The following THSD7A variants were observed in gnomAD, a reference collection of about 807,000 sequenced individuals.
THSD7A encodes the protein thrombospondin type-1 domain-containing protein 7A.
A neutral mutation model predicts 231.3 loss-of-function variants in THSD7A; 96 were observed. The ratio of observed to expected loss-of-function variants is 0.41; its 90% CI spans 0.35 to 0.49. THSD7A has a LOEUF of 0.49. Among genes scored for constraint, THSD7A ranks in the 20% least tolerant of loss-of-function variants. The probability of loss-of-function intolerance (pLI) is 0.05; values close to 1 mark genes in which losing one functional copy is unlikely to be tolerated. For missense variants in THSD7A, 2,290 were observed against 2,070.2 expected (o/e 1.11, Z -2.06); for synonymous variants, 940 against 743.3 (o/e 1.26, Z -4.30).
At chr7:11,673,938 T>C (rs965492778) in intron 1 of THSD7A, among the ~76,000 whole-genome samples, 2 of 151,954 alleles carry the variant, frequency 1.3e-5, no homozygotes, top group Admixed American at 1.3e-4. Flanking sequence ...GCTGGAGAAG[T>C]CATACTGGTT....
At chr7:11,588,979 T>C (rs552003062) in intron 4 of THSD7A, among the ~76,000 whole-genome samples, 146 of 152,328 alleles carry the variant, frequency 9.6e-4, no homozygotes, top group Non-Finnish European at 1.9e-3. Context: ...ATTTTGAAAG[T>C]TGCAACTGCA....
At chr7:11,682,846 C>T (rs922351644) in intron 1 of THSD7A, among the ~76,000 whole-genome samples, 2 of 151,842 alleles carry the variant, frequency 1.3e-5, no homozygotes, top group African/African-American at 4.8e-5. Flanking sequence ...TGATTGATCA[C>T]GTTTGGTCAC....
intron 1 of THSD7A, among the ~76,000 whole-genome samples, chr7:11,730,092 A>G (rs999668403): frequency 3.3e-5 from 5 of 151,748 alleles, no homozygotes; most frequent in Admixed American, 6.6e-5. Context: ...AGAATGAGAA[A>G]CTTTTTCCAT....
At chr7:11,589,564 C>T (rs1320363131) in intron 4 of THSD7A, among the ~76,000 whole-genome samples, 1 of 152,196 alleles carries the variant, frequency 6.6e-6, no homozygotes, top group Admixed American at 6.5e-5. Context: ...ACATGCTCTC[C>T]TGATGACTTT....
chr7:11,745,052 C>T (rs1264222577), intron 1 of THSD7A, among the ~76,000 whole-genome samples: 1 of 151,956 alleles, frequency 6.6e-6, no homozygotes, highest in East Asian at 1.9e-4. Flanking sequence ...AGTTTACAGT[C>T]CCACCAACAG....
At position 11,636,014 on chromosome 7, in the gene THSD7A, T is replaced by G; in HGVS notation, c.1022+116A>C. The G allele has an allele frequency of 1.1e-6, 1 of 921,542 alleles. No individual in the cohort carries two copies. Among genetic ancestry groups the G allele is most frequent in the East Asian group, 2.6e-5 (1 of 38,252 alleles). 57.1% of individuals were successfully genotyped at this position (921,542 alleles called of 1,614,324 possible). A position where few individuals can be genotyped will look rare whatever the true frequency, so the allele number is the denominator to read the frequency against. ...CAGAAGCCTTAAATTTGGGGGTAGCTCATCCTAGGTTGTGCCCCTACGTAA... is the reference window on the plus strand; with the variant it reads ...CAGAAGCCTTAAATTTGGGGGTAGCGCATCCTAGGTTGTGCCCCTACGTAA... On this transcript the variant is annotated intron_variant, in intron 2 of 27. Transcript: ENST00000423059. The surrounding 1 kb of genome is among the most constrained non-coding windows in gnomAD (Gnocchi z 10.0).
At chr7:11,711,071 G>T (rs80299216) in intron 1 of THSD7A, among the ~76,000 whole-genome samples, 15,162 of 150,944 alleles carry the variant, frequency 0.1, 948 homozygotes, top group South Asian at 0.15. Flanking sequence ...ATAGCTTAGG[G>T]ATATTCCTGA....
At chr7:11,599,736 G>A (rs1301535915) in intron 2 of THSD7A, among the ~76,000 whole-genome samples, 1 of 152,140 alleles carries the variant, frequency 6.6e-6, no homozygotes, top group Non-Finnish European at 1.5e-5. Context: ...GTGGATCTGT[G>A]ATGGTTAATA....
At position 11,636,720 on chromosome 7, in the gene THSD7A, A is replaced by C. The variant is rs1265127475; in HGVS notation, c.432T>G (p.Leu144=). ...PVISKSLEKP[L]ECIKGEEGIQ... ...TACCTTCTTCCCCCTTAATGCACTC[A>C]AGAGGTTTCTCTAGGCTTTTTGAAA... The change falls in exon 2 of 28, where the codon CTT becomes CTG. Residue 144 remains leucine (L), a synonymous_variant. Transcript: ENST00000423059. This position sits in a 1 kb window ranked among gnomAD's most constrained non-coding sequence, Gnocchi z 10.0. The C allele has an allele frequency of 4.3e-6, 7 of 1,613,836 alleles. No homozygotes were observed. Among genetic ancestry groups the C allele is most frequent in the African/African-American group, 1.3e-5 (1 of 74,908 alleles).
At chr7:11,516,828 G>T (rs534403451) in intron 6 of THSD7A, among the ~76,000 whole-genome samples, 1 of 152,082 alleles carries the variant, frequency 6.6e-6, no homozygotes, top group Admixed American at 6.6e-5. Context: ...CAGGGATATG[G>T]CACCAATTGT....
chr7:11,749,823 G>A (rs950816445), intron 1 of THSD7A, among the ~76,000 whole-genome samples: 5 of 151,874 alleles, frequency 3.3e-5, no homozygotes, highest in African/African-American at 1.2e-4. Flanking sequence ...ATTCAACGGC[G>A]CTTCAAGGGC....
At chr7:11,480,338 G>A (rs115327825) in intron 7 of THSD7A, among the ~76,000 whole-genome samples, 158 of 152,190 alleles carry the variant, frequency 1.0e-3, no homozygotes, top group African/African-American at 3.6e-3. Flanking sequence ...CATGTGACTC[G>A]GGGTGGGGTG....
intron 1 of THSD7A, among the ~76,000 whole-genome samples, chr7:11,658,292 GTTTAT>G (rs1782785382): frequency 1.3e-5 from 2 of 151,652 alleles, no homozygotes; most frequent in South Asian, 4.1e-4. Flanking sequence ...TTTCCTACTG[GTTTAT>G]TTTCTTTTTC....
chr7:11,754,236 G>C (rs1047907896), intron 1 of THSD7A, among the ~76,000 whole-genome samples: 1 of 151,988 alleles, frequency 6.6e-6, no homozygotes, highest in Admixed American at 6.6e-5. Flanking sequence ...CTGAAAAATA[G>C]AGAATATCAA....
chr7:11,723,136 C>G (rs1261178861), intron 1 of THSD7A, among the ~76,000 whole-genome samples: 1 of 151,968 alleles, frequency 6.6e-6, no homozygotes, highest in South Asian at 2.1e-4. Context: ...CCATGGAATA[C>G]TATGCAGCCA....
At chr7:11,725,160 C>T (rs1781506431) in intron 1 of THSD7A, among the ~76,000 whole-genome samples, 1 of 151,914 alleles carries the variant, frequency 6.6e-6, no homozygotes, top group African/African-American at 2.4e-5. Context: ...TCTTTTATAA[C>T]AAAATGCTGA....
rs764513413 is a variant in THSD7A, at chr7:11,541,413, T to C, written c.1822+6A>G. The C allele has an allele frequency of 2.5e-6, 4 of 1,613,738 alleles. No individual in the cohort carries two copies. In the South Asian group the frequency reaches 3.3e-5, roughly 13 times the overall value. ...CATAAAAACATAATAGATACGTCTG[T>C]CTTACCATCACTGTTGATGCACACA... On this transcript the variant is annotated splice_donor_region_variant and intron_variant, in intron 6 of 27. Coordinates refer to ENST00000423059, the MANE Select transcript of THSD7A (RefSeq NM_015204.3).
intron 1 of THSD7A, among the ~76,000 whole-genome samples, chr7:11,638,648 C>A (rs2526097): frequency 0.7 from 105,498 of 151,766 alleles, 37,129 homozygotes; most frequent in South Asian, 0.82. Flanking sequence ...TTTGCATGTA[C>A]AAAATTATAA....
intron 1 of THSD7A, among the ~76,000 whole-genome samples, chr7:11,771,375 C>CAG (rs1202206633): frequency 6.6e-6 from 1 of 151,616 alleles, no homozygotes; most frequent in Non-Finnish European, 1.5e-5. Context: ...GTTATAAATA[C>CAG]AGAGAGAAAA....
Sources: gnomAD v4.1 joint callset for allele counts (sites outside exome capture counted in the v4.1 genomes callset) on GRCh38, gnomAD v4.1.1 for gene constraint, Gnocchi (gnomAD v3.1) non-coding constraint, MANE v1.5 for transcripts, NCBI Gene and HGNC (gene_info 2026-07-23, HGNC 2026-07-21) for gene names.